AKAP19: variants seen among roughly 807,000 people sequenced by gnomAD.
AKAP19 encodes small A-kinase anchoring protein.
the AKAP19 span, among the ~76,000 whole-genome samples, chr2:190,181,793 G>A: frequency 1.3e-5 from 2 of 152,076 alleles, no homozygotes; most frequent in African/African-American, 2.4e-5. Context: ...ATAAGAATTC[G>A]GAGGAATAGG....
At chr2:190,073,145 A>G in the AKAP19 span, among the ~76,000 whole-genome samples, 1 of 152,172 alleles carries the variant, frequency 6.6e-6, no homozygotes, top group Non-Finnish European at 1.5e-5. Context: ...TAAATGGTTT[A>G]CAGACAGAGA....
chr2:189,952,529 A>AT, the AKAP19 span, among the ~76,000 whole-genome samples: 1 of 152,130 alleles, frequency 6.6e-6, no homozygotes, highest in Non-Finnish European at 1.5e-5. Flanking sequence ...TAGCTCTTTT[A>AT]TTTTAGGTTT....
the AKAP19 span, among the ~76,000 whole-genome samples, chr2:189,951,174 G>A: frequency 7.7e-6 from 1 of 130,438 alleles, no homozygotes; most frequent in Non-Finnish European, 1.6e-5. Context: ...AGAAACCTTA[G>A]TTTAGTTCTC....
the AKAP19 span, among the ~76,000 whole-genome samples, chr2:190,170,751 G>A: frequency 6.6e-6 from 1 of 152,082 alleles, no homozygotes; most frequent in African/African-American, 2.4e-5. Flanking sequence ...TTGGGATGAT[G>A]TATTGTGGTA....
chr2:190,054,409 T>C, the AKAP19 span, among the ~76,000 whole-genome samples: 1 of 151,982 alleles, frequency 6.6e-6, no homozygotes, highest in Non-Finnish European at 1.5e-5. Context: ...CTAGGCAATA[T>C]CATTCAGGAC....
the AKAP19 span, among the ~76,000 whole-genome samples, chr2:189,996,881 C>T: frequency 6.6e-6 from 1 of 152,130 alleles, no homozygotes; most frequent in South Asian, 2.1e-4. Flanking sequence ...TCTAGCCACC[C>T]AGCAGGGCTA....
At chr2:189,973,750 G>C in the AKAP19 span, among the ~76,000 whole-genome samples, 1 of 152,092 alleles carries the variant, frequency 6.6e-6, no homozygotes, top group Non-Finnish European at 1.5e-5. Flanking sequence ...CTTTCTTCTA[G>C]ATTTTCTAGT....
the AKAP19 span, among the ~76,000 whole-genome samples, chr2:190,123,871 A>G: frequency 2.0e-5 from 3 of 152,330 alleles, no homozygotes; most frequent in South Asian, 4.1e-4. Context: ...CCACCATCCA[A>G]TCAGCTGGGG....
At chr2:190,174,647 C>T in the AKAP19 span, among the ~76,000 whole-genome samples, 2 of 152,128 alleles carry the variant, frequency 1.3e-5, no homozygotes, top group African/African-American at 4.8e-5. Flanking sequence ...CTGAAAGGCA[C>T]ATATGCCCTA....
At chr2:190,115,302 T>TATATATATAGA in the AKAP19 span, among the ~76,000 whole-genome samples, 1 of 3,234 alleles carries the variant, frequency 3.1e-4, no homozygotes, top group Non-Finnish European at 5.1e-4. Context: ...TATATATATA[T>TATATATATAGA]TTTTTTTTTT....
chr2:190,054,651 T>A, the AKAP19 span, among the ~76,000 whole-genome samples: 2 of 151,700 alleles, frequency 1.3e-5, no homozygotes, highest in Non-Finnish European at 1.5e-5. Flanking sequence ...ATAAAACCCA[T>A]CAAAAAGTGG....
At chr2:190,193,745 A>T in the AKAP19 span, among the ~76,000 whole-genome samples, 21 of 152,174 alleles carry the variant, frequency 1.4e-4, no homozygotes, top group Non-Finnish European at 2.6e-4. Context: ...TGTATCTATT[A>T]GATCTTTTTA....
At chr2:189,916,354 A>G in the AKAP19 span, among the ~76,000 whole-genome samples, 42 of 138,240 alleles carry the variant, frequency 3.0e-4, no homozygotes, top group African/African-American at 1.1e-3. Flanking sequence ...TTGGAGACAG[A>G]GCTGTCGCCC....
the AKAP19 span, among the ~76,000 whole-genome samples, chr2:190,067,999 C>T: frequency 6.6e-6 from 1 of 152,098 alleles, no homozygotes; most frequent in East Asian, 1.9e-4. Flanking sequence ...GTCAGAAGTT[C>T]GAGACCAGCT....
At chr2:189,964,627 T>C in the AKAP19 span, among the ~76,000 whole-genome samples, 7 of 152,240 alleles carry the variant, frequency 4.6e-5, no homozygotes, top group African/African-American at 1.4e-4. Context: ...TTGTAGCTTC[T>C]ACATCAGCAC....
At chr2:189,984,894 C>A in the AKAP19 span, among the ~76,000 whole-genome samples, 1 of 152,012 alleles carries the variant, frequency 6.6e-6, no homozygotes, top group African/African-American at 2.4e-5. Context: ...CCAGGAAGGG[C>A]AGAGGCCCAC....
At chr2:190,078,955 A>G in the AKAP19 span, among the ~76,000 whole-genome samples, 2 of 152,120 alleles carry the variant, frequency 1.3e-5, no homozygotes, top group Non-Finnish European at 2.9e-5. Flanking sequence ...TAAATATCAA[A>G]TACAAGTAGA....
the AKAP19 span, among the ~76,000 whole-genome samples, chr2:189,927,197 A>T: frequency 6.6e-6 from 1 of 152,120 alleles, no homozygotes; most frequent in Non-Finnish European, 1.5e-5. Flanking sequence ...CCCAGCAATG[A>T]ACTTAATTTT....
the AKAP19 span, chr2:190,080,103 T>C: frequency 6.6e-6 from 1 of 152,168 alleles, no homozygotes; most frequent in African/African-American, 2.4e-5. Flanking sequence ...TATTATAGAA[T>C]TCATTCTTCC....
Sources: allele counts gnomAD v4.1 joint callset (sites outside exome capture counted in the v4.1 genomes callset), GRCh38; gene constraint gnomAD v4.1.1; transcripts MANE v1.5; gene names NCBI Gene and HGNC (gene_info 2026-07-23, HGNC 2026-07-21).